SMG7: variants seen among roughly 807,000 people sequenced by gnomAD.
The protein encoded by SMG7 is SMG7 nonsense mediated mRNA decay factor.
Under a neutral mutation model 148.2 loss-of-function variants are expected in SMG7, and 34 were observed. That is an observed-to-expected ratio of 0.23 (90% CI 0.17 to 0.31). The LOEUF (loss-of-function observed/expected upper bound fraction) is 0.31. Among genes scored for constraint, SMG7 ranks in the 10% least tolerant of loss-of-function variants. The pLI, the probability that SMG7 is intolerant of heterozygous loss-of-function variation, is 1.00. For synonymous variants in SMG7, 492 were observed against 515.1 expected, an observed-to-expected ratio of 0.96 and a Z score of 0.61; for missense variants, 1,114 against 1,408.4, an observed-to-expected ratio of 0.79 and a Z score of 3.35.
In SMG7 at chr1:183,553,288, T is replaced by C; in HGVS notation, c.*1357T>C. ...AAGGACAGCATTTCTGTTAGTCATT[T>C]CCTGGAAAAGTAATATTTTAAGGGG... On this transcript the variant is annotated 3_prime_UTR_variant, in exon 23 of 23. Transcript: ENST00000688051. 1 of 1,295,262 alleles carries C rather than the reference T, an allele frequency of 7.7e-7. No individual in the cohort carries two copies. 80.2% of individuals were successfully genotyped at this position (1,295,262 alleles called of 1,614,324 possible).
At chr1:183,477,744 GTGTGTGCATA>G (rs969682529) in intron 1 of SMG7, among the ~76,000 whole-genome samples, 70 of 146,870 alleles carry the variant, frequency 4.8e-4, no homozygotes, top group African/African-American at 1.7e-3. Context: ...ATATATACAT[GTGTGTGCATA>G]TGTGTGCATA....
rs554938489 is a variant in SMG7, at chr1:183,533,783, A to C, written c.1114A>C (p.Arg372=). The C allele has an allele frequency of 1.1e-5, 18 of 1,613,832 alleles. No individual in the cohort carries two copies. The Admixed American group carries it at 3.0e-4, about 27-fold the overall frequency. The part of the protein sequence containing the change: ...PAVKVSMDWL[R]LRPRVFQEAV... ...AGTCAAGGTCTCCATGGACTGGCTAAGACTCAGACCCAGGGTCTTTCAGGA... is the reference window on the plus strand; with the variant it reads ...AGTCAAGGTCTCCATGGACTGGCTACGACTCAGACCCAGGGTCTTTCAGGA... The change falls in exon 10 of 23, where the codon AGA becomes CGA. Residue 372 remains arginine (R), a synonymous_variant. Coordinates refer to ENST00000688051, the MANE Select transcript of SMG7 (RefSeq NM_001375584.1).
chr1:183,522,692 A>G (rs1665011597), intron 4 of SMG7, among the ~76,000 whole-genome samples: 1 of 152,112 alleles, frequency 6.6e-6, no homozygotes, highest in East Asian at 1.9e-4. Flanking sequence ...AGTGTTGGGG[A>G]TAGAAACCTG....
rs1326839739 is a variant in SMG7 at position 183,553,214 on chromosome 1, A to G, written c.*1283A>G. 3 of 1,527,122 alleles carry G rather than the reference A, an allele frequency of 2.0e-6. No individual in the cohort carries two copies. Among genetic ancestry groups the G allele is most frequent in the South Asian group, 2.4e-5 (2 of 83,680 alleles). The allele number at this position is 1,527,122 out of a possible 1,614,324, so 94.6% of individuals were successfully genotyped here. ...GAAAGGAAAATAAACTCTTTGTATG[A>G]TATTTATTAGGAGGAAAGAGGACTG... On this transcript the variant is annotated 3_prime_UTR_variant, in exon 23 of 23. Transcript: ENST00000688051.
At chr1:183,530,096 A>G (rs572214220) in intron 8 of SMG7, among the ~76,000 whole-genome samples, 3 of 152,336 alleles carry the variant, frequency 2.0e-5, no homozygotes, top group African/African-American at 7.2e-5. Context: ...TAAAATAAGG[A>G]GAAAGTCAAA....
chr1:183,531,025 T>C (rs190289184), intron 8 of SMG7, among the ~76,000 whole-genome samples: 244 of 152,260 alleles, frequency 1.6e-3, no homozygotes, highest in African/African-American at 4.7e-3. Context: ...GTTTCTAAAA[T>C]ATACTTTGAA....
chr1:183,541,973 G>C (rs906919669), intron 13 of SMG7, 103 bp from the exon 14 acceptor site: 9 of 947,886 alleles, frequency 9.5e-6, no homozygotes, highest in Non-Finnish European at 1.4e-5. Flanking sequence ...CTGTTTTCAT[G>C]GTTATTAGTG....
chr1:183,541,785 C>T (rs1668912456), intron 13 of SMG7, among the ~76,000 whole-genome samples: 1 of 152,160 alleles, frequency 6.6e-6, no homozygotes, highest in African/African-American at 2.4e-5. Flanking sequence ...CCTTATAGGA[C>T]ATATCAAGGG....
intron 1 of SMG7, among the ~76,000 whole-genome samples, chr1:183,494,977 C>T (rs942663905): frequency 9.2e-5 from 14 of 151,464 alleles, no homozygotes; most frequent in African/African-American, 2.9e-4. Flanking sequence ...TACAGACACA[C>T]GCCACCATGC....
chr1:183,547,865 T>C (rs1032564053), intron 18 of SMG7, among the ~76,000 whole-genome samples: 7 of 152,070 alleles, frequency 4.6e-5, no homozygotes, highest in African/African-American at 1.2e-4. Context: ...TAAAATAAAA[T>C]CTGAGAACTC....
At chr1:183,481,812 A>C (rs953205584) in intron 1 of SMG7, among the ~76,000 whole-genome samples, 3 of 151,338 alleles carry the variant, frequency 2.0e-5, no homozygotes, top group Admixed American at 6.8e-5. Flanking sequence ...TGAACACCAG[A>C]GTTCAGTTTT....
chr1:183,520,589 G>A (rs1192653757), intron 4 of SMG7, among the ~76,000 whole-genome samples: 1 of 152,092 alleles, frequency 6.6e-6, no homozygotes, highest in African/African-American at 2.4e-5. Flanking sequence ...GAAGGAGGTG[G>A]TGCAGCTGGC....
At chr1:183,486,322 A>G (rs1327898731) in intron 1 of SMG7, among the ~76,000 whole-genome samples, 1 of 152,220 alleles carries the variant, frequency 6.6e-6, no homozygotes, top group African/African-American at 2.4e-5. Flanking sequence ...TAGAGTCTGA[A>G]TAATTAGTAC....
Position 183,517,570 on chromosome 1 carries a change from C to CACG in SMG7, c.180-117_180-116insCGA, listed in dbSNP as rs1457234065. On this transcript the variant is annotated intron_variant, in intron 3 of 22. Coordinates refer to ENST00000688051, the MANE Select transcript of SMG7 (RefSeq NM_001375584.1). The stretch of plus-strand genomic sequence containing the variant: ...TTTAAATAAATGAATAACTTTAATG[C>CACG]AGGTTTACTGTCTCGTGTGGTATAA... 3.2e-6 allele frequency: 3 copies of CACG among 935,134 alleles called. No homozygotes were observed. The African/African-American group carries it at 4.9e-5, about 15-fold the overall frequency. 57.9% of individuals were successfully genotyped at this position (935,134 alleles called of 1,614,324 possible).
At chr1:183,488,631 G>A (rs1656104639) in intron 1 of SMG7, among the ~76,000 whole-genome samples, 1 of 150,422 alleles carries the variant, frequency 6.6e-6, no homozygotes, top group South Asian at 2.1e-4. Flanking sequence ...CCATGGTGTA[G>A]CATCTTTACT....
At chr1:183,486,685 A>G (rs1459991076) in intron 1 of SMG7, among the ~76,000 whole-genome samples, 1 of 152,162 alleles carries the variant, frequency 6.6e-6, no homozygotes, top group African/African-American at 2.4e-5. Flanking sequence ...CTGTGATTAC[A>G]GGCGTGAGCC....
rs1348405476 is a variant in SMG7, at chr1:183,542,925, ATATGTGTGTGTGTGTGTGTG to A, written c.1842+425_1842+444del. On this transcript the variant is annotated intron_variant, in intron 14 of 22. Transcript: ENST00000688051. ...TTTTTAGATTCACTATAATATATATATATGTGTGTGTGTGTGTGTGTGTGTGTGTGTGTGTGTGTGTGTGT... is the reference window on the plus strand; with the variant it reads ...TTTTTAGATTCACTATAATATATATATGTGTGTGTGTGTGTGTGTGTGTGT... 2.3e-4 allele frequency among the ~76,000 whole-genome samples: 33 copies of A among 141,648 alleles called. 1 individual carries two copies. The South Asian group carries it at 5.5e-3, about 24-fold the overall frequency. The allele number at this position is 141,648 out of a possible 152,430, so 92.9% of individuals were successfully genotyped here.
In SMG7 at chr1:183,551,698, G is replaced by A. The variant is rs903141340; in HGVS notation, c.3451-120G>A. ...CTTTTTCTAATAGCTGGATTTTTAT[G>A]GGGAGTGGGGTTGGGTTTTGGGGCC... On this transcript the variant is annotated intron_variant, in intron 22 of 22. Coordinates refer to ENST00000688051, the MANE Select transcript of SMG7 (RefSeq NM_001375584.1). 2.2e-5 allele frequency: 13 copies of A among 586,120 alleles called. No individual in the cohort carries two copies. The African/African-American group carries it at 2.5e-4, about 11-fold the overall frequency. 36.3% of individuals were successfully genotyped at this position (586,120 alleles called of 1,614,324 possible).
At chr1:183,488,062 C>T (rs1412389507) in intron 1 of SMG7, among the ~76,000 whole-genome samples, 1 of 152,186 alleles carries the variant, frequency 6.6e-6, no homozygotes, top group Non-Finnish European at 1.5e-5. Context: ...AGTAGCCTAA[C>T]ATAAATCAGT....
Sources: allele counts gnomAD v4.1 joint callset (sites outside exome capture counted in the v4.1 genomes callset), GRCh38; gene constraint gnomAD v4.1.1; transcripts MANE v1.5; gene names NCBI Gene and HGNC (gene_info 2026-07-23, HGNC 2026-07-21).